POU2F1: variants seen among roughly 807,000 people sequenced by gnomAD.
POU2F1 encodes the protein POU class 2 homeobox 1, also known as POU domain, class 2, transcription factor 1.
A neutral mutation model predicts 84.9 loss-of-function variants in POU2F1; 16 were observed. The ratio of observed to expected loss-of-function variants is 0.19; its 90% CI spans 0.13 to 0.29. The LOEUF (loss-of-function observed/expected upper bound fraction) is 0.29. Among genes scored for constraint, POU2F1 ranks in the 10% least tolerant of loss-of-function variants. POU2F1 has a pLI of 1.00. For synonymous variants in POU2F1, 368 were observed against 368.3 expected (o/e 1.00, Z 0.01); for missense variants, 738 against 942.6 (o/e 0.78, Z 2.84).
intron 8 of POU2F1, 148 bp downstream of exon 8, chr1:167,384,099 A>G (rs1173574208): frequency 8.2e-6 from 5 of 612,900 alleles, no homozygotes; most frequent in East Asian, 3.0e-5. Context: ...TATCAGCTCA[A>G]TGCTACCAAA....
At chr1:167,361,071 G>A (rs1052465755) in intron 2 of POU2F1, among the ~76,000 whole-genome samples, 3 of 152,074 alleles carry the variant, frequency 2.0e-5, no homozygotes, top group East Asian at 1.9e-4. Flanking sequence ...CATTGATTTC[G>A]TATCCTGAGT....
chr1:167,286,592 T>C (rs1452000180), intron 1 of POU2F1, among the ~76,000 whole-genome samples: 1 of 152,212 alleles, frequency 6.6e-6, no homozygotes, highest in Non-Finnish European at 1.5e-5. Context: ...AAGTTATTGT[T>C]TATGCATTAC....
intron 1 of POU2F1, among the ~76,000 whole-genome samples, chr1:167,284,749 A>G (rs958245519): frequency 1.3e-5 from 2 of 152,202 alleles, no homozygotes; most frequent in African/African-American, 2.4e-5. Flanking sequence ...CTAGTCTTGT[A>G]AAATCTTCCT....
In POU2F1 at chr1:167,383,921, G is replaced by A. The variant is rs1383000990; in HGVS notation, c.783G>A (p.Gln261=). ...AGCAAAGCCAAGCCAACCTCCTACAGTCGCAGCCAAGCATCACCCTCACCT... is the reference window on the plus strand; with the variant it reads ...AGCAAAGCCAAGCCAACCTCCTACAATCGCAGCCAAGCATCACCCTCACCT... ...LPQQSQANLL[Q]SQPSITLTSQ... Residue 261 remains glutamine (Q), a synonymous_variant, in exon 8 of 16, where the codon CAG becomes CAA. Transcript: ENST00000367866. 1 of 1,613,676 alleles carries A rather than the reference G, an allele frequency of 6.2e-7. No homozygotes were observed. The highest frequency in any genetic ancestry group is 1.7e-5 in the Admixed American group (1 of 59,984).
intron 1 of POU2F1, among the ~76,000 whole-genome samples, chr1:167,238,993 G>A (rs1649702210): frequency 6.6e-6 from 1 of 152,092 alleles, no homozygotes; most frequent in South Asian, 2.1e-4. Flanking sequence ...TCTGAATCCA[G>A]GCACACACTC....
At chr1:167,373,876 C>T (rs1660162556) in intron 5 of POU2F1, among the ~76,000 whole-genome samples, 3 of 151,680 alleles carry the variant, frequency 2.0e-5, no homozygotes, top group African/African-American at 4.8e-5. Flanking sequence ...ACCCTAGGGC[C>T]CTGGACAAGC....
chr1:167,372,223 A>G (rs1388439250), intron 5 of POU2F1, among the ~76,000 whole-genome samples, 187 bp downstream of exon 5: 1 of 152,136 alleles, frequency 6.6e-6, no homozygotes, highest in Non-Finnish European at 1.5e-5. Flanking sequence ...TCTTTGTCGT[A>G]AGTTTTCAGG....
chr1:167,323,114 A>C (rs1656444496), intron 1 of POU2F1, among the ~76,000 whole-genome samples: 3 of 152,242 alleles, frequency 2.0e-5, no homozygotes, highest in African/African-American at 4.8e-5. Flanking sequence ...CCTGTGCCTG[A>C]AAGCACTTAG....
At chr1:167,268,539 T>C (rs1377527459) in intron 1 of POU2F1, among the ~76,000 whole-genome samples, 1 of 152,178 alleles carries the variant, frequency 6.6e-6, no homozygotes. Flanking sequence ...ATGTTCTTTT[T>C]TGACCAAAAG....
At chr1:167,327,952 TCTC>T (rs1202927459) in intron 1 of POU2F1, among the ~76,000 whole-genome samples, 1 of 152,186 alleles carries the variant, frequency 6.6e-6, no homozygotes, top group Admixed American at 6.5e-5. Context: ...ATTTTATAAA[TCTC>T]CTGAATTGTC....
rs968720018 is a variant in POU2F1 at position 167,420,270 on chromosome 1, TCTC to T, written c.*4463_*4465del. On this transcript the variant is annotated 3_prime_UTR_variant, in exon 16 of 16. Coordinates refer to ENST00000367866, the MANE Select transcript of POU2F1 (RefSeq NM_002697.4). ...CCTCTGCCTCCCGGGTTCAAGCAAT[TCTC>T]CTGCTTCAGCCTCCCAAGTAGCTGG... 2.6e-5 allele frequency: 4 copies of T among 151,592 alleles called. No individual in the cohort carries two copies. Among genetic ancestry groups the T allele is most frequent in the African/African-American group, 9.7e-5 (4 of 41,230 alleles). The allele number at this position is 151,592 out of a possible 1,614,324, so 9.4% of individuals were successfully genotyped here.
At chr1:167,315,283 C>T (rs1412731262) in intron 1 of POU2F1, among the ~76,000 whole-genome samples, 2 of 152,232 alleles carry the variant, frequency 1.3e-5, no homozygotes, top group Non-Finnish European at 2.9e-5. Context: ...ATTATGTTCA[C>T]ATAAAAATAT....
chr1:167,382,787 A>G (rs1647661469), intron 7 of POU2F1, among the ~76,000 whole-genome samples: 1 of 152,194 alleles, frequency 6.6e-6, no homozygotes, highest in Non-Finnish European at 1.5e-5. Flanking sequence ...ATTCAAATCT[A>G]TTTAATATAT....
At chr1:167,325,785 A>T (rs140785163) in intron 1 of POU2F1, among the ~76,000 whole-genome samples, 2,221 of 151,662 alleles carry the variant, frequency 0.015, 30 homozygotes, top group Middle Eastern at 0.031. Flanking sequence ...GCTACTTGGG[A>T]GGCTGAGGCA....
At chr1:167,345,389 G>A (rs923899097) in intron 2 of POU2F1, among the ~76,000 whole-genome samples, 1 of 152,144 alleles carries the variant, frequency 6.6e-6, no homozygotes, top group Admixed American at 6.5e-5. Flanking sequence ...GTCTAGAGAG[G>A]ATTAGGAACA....
At chr1:167,325,072 T>A (rs1656603153) in intron 1 of POU2F1, among the ~76,000 whole-genome samples, 1 of 152,194 alleles carries the variant, frequency 6.6e-6, no homozygotes, top group Non-Finnish European at 1.5e-5. Flanking sequence ...AGTTTGTATG[T>A]GTGTGATGGG....
At chr1:167,337,423 G>T (rs1424611638) in intron 2 of POU2F1, among the ~76,000 whole-genome samples, 2 of 152,132 alleles carry the variant, frequency 1.3e-5, no homozygotes, top group Non-Finnish European at 2.9e-5. Context: ...TTGAGAGGAA[G>T]CACAGTTGTT....
At chr1:167,376,298 A>T (rs1241390091) in intron 7 of POU2F1, 143 bp downstream of exon 7, 2 of 1,103,130 alleles carry the variant, frequency 1.8e-6, no homozygotes, top group African/African-American at 3.3e-5. Context: ...ACTTTCGTTT[A>T]AAAAAAGTTT....
intron 1 of POU2F1, among the ~76,000 whole-genome samples, chr1:167,279,349 C>A (rs1223022811): frequency 3.0e-4 from 45 of 152,184 alleles, no homozygotes; most frequent in Admixed American, 2.9e-3. Flanking sequence ...TGAAAAAGAT[C>A]ATTTTTCTTA....
Sources: allele counts gnomAD v4.1 joint callset (sites outside exome capture counted in the v4.1 genomes callset), GRCh38; gene constraint gnomAD v4.1.1; transcripts MANE v1.5; gene names NCBI Gene and HGNC (gene_info 2026-07-23, HGNC 2026-07-21).